The following RUNX2 variants were observed in gnomAD, a reference collection of about 807,000 sequenced individuals.
RUNX2 encodes RUNX family transcription factor 2.
In RUNX2, 10 loss-of-function variants were observed where a neutral mutation model predicts 51.7. The ratio of observed to expected loss-of-function variants is 0.19; its 90% CI spans 0.12 to 0.33. The LOEUF (loss-of-function observed/expected upper bound fraction) is 0.33. Ranked by LOEUF, RUNX2 falls within the 10% of genes least tolerant of loss-of-function variation. The pLI, the probability that RUNX2 is intolerant of heterozygous loss-of-function variation, is 1.00. For synonymous variants in RUNX2, 276 were observed against 273.6 expected (o/e 1.01, Z -0.09); for missense variants, 562 against 691.3 (o/e 0.81, Z 2.10).
chr6:45,507,867 A>G (rs771200320), intron 6 of RUNX2, among the ~76,000 whole-genome samples: 3 of 152,250 alleles, frequency 2.0e-5, no homozygotes, highest in Non-Finnish European at 4.4e-5. Context: ...ATGAAGGTTC[A>G]GTAAGATAGA....
At chr6:45,332,674 G>GA (rs1341132341) in intron 2 of RUNX2, among the ~76,000 whole-genome samples, 1 of 151,604 alleles carries the variant, frequency 6.6e-6, no homozygotes, top group African/African-American at 2.4e-5. Flanking sequence ...AGGATTCACC[G>GA]AAACAGTCTA....
intron 2 of RUNX2, chr6:45,377,628 G>A (rs1056803952): frequency 2.0e-5 from 3 of 152,230 alleles, no homozygotes; most frequent in Admixed American, 2.0e-4. Context: ...CGAAGACCCA[G>A]GCAGCCGCCC....
chr6:45,469,714 A>T (rs1162302705), intron 5 of RUNX2, among the ~76,000 whole-genome samples: 1 of 152,226 alleles, frequency 6.6e-6, no homozygotes, highest in African/African-American at 2.4e-5. Flanking sequence ...CAAAACCACT[A>T]TGGGTAATTC....
At chr6:45,374,657 CATAA>C (rs71658987) in intron 2 of RUNX2, among the ~76,000 whole-genome samples, 8,542 of 152,188 alleles carry the variant, frequency 0.056, 297 homozygotes, top group Non-Finnish European at 0.087. Flanking sequence ...TCAACCTCAC[CATAA>C]AATAAAATCA....
At chr6:45,519,790 A>ATATATATG (rs1554398519) in intron 7 of RUNX2, among the ~76,000 whole-genome samples, 1 of 124,086 alleles carries the variant, frequency 8.1e-6, no homozygotes, top group African/African-American at 3.1e-5. Flanking sequence ...ATATATATAT[A>ATATATATG]TGTGTGTGTG....
intron 5 of RUNX2, among the ~76,000 whole-genome samples, chr6:45,443,319 G>A (rs1368305543): frequency 6.6e-6 from 1 of 152,060 alleles, no homozygotes; most frequent in Non-Finnish European, 1.5e-5. Flanking sequence ...CTGAGCAGCT[G>A]GAATTATAGG....
At chr6:45,479,841 G>A (rs1293019419) in intron 5 of RUNX2, among the ~76,000 whole-genome samples, 1 of 152,192 alleles carries the variant, frequency 6.6e-6, no homozygotes, top group African/African-American at 2.4e-5. Flanking sequence ...AAAAAAATCT[G>A]TTGTGCCTTG....
chr6:45,371,444 T>G (rs76298881), intron 2 of RUNX2, among the ~76,000 whole-genome samples: 3,073 of 151,330 alleles, frequency 0.02, 43 homozygotes, highest in Non-Finnish European at 0.032. Flanking sequence ...ATTCTCCCTC[T>G]ACCAATGAGG....
intron 2 of RUNX2, among the ~76,000 whole-genome samples, chr6:45,380,915 C>A (rs1251845484): frequency 1.3e-5 from 2 of 152,132 alleles, no homozygotes; most frequent in East Asian, 3.9e-4. Flanking sequence ...AGTGACAGTT[C>A]AGGTGACTTG....
chr6:45,376,815 A>G (rs1028364445), intron 2 of RUNX2, among the ~76,000 whole-genome samples: 1 of 152,234 alleles, frequency 6.6e-6, no homozygotes, highest in African/African-American at 2.4e-5. Flanking sequence ...TGCCCTTCAC[A>G]TATACTAAGA....
Position 45,432,664 on chromosome 6 carries a change from T to C in RUNX2, c.580+645T>C, listed in dbSNP as rs559314262. ...AGGATTCCCATCATCTGAATCCATA[T>C]TCAAAAATTAGAGATCCTTAAATAG... On this transcript the variant is annotated intron_variant, in intron 4 of 8. Coordinates refer to ENST00000647337, the MANE Select transcript of RUNX2 (RefSeq NM_001024630.4). Among the ~76,000 whole-genome samples, 3 of 152,188 alleles carry C rather than the reference T, an allele frequency of 2.0e-5. No individual in the cohort carries two copies. In the South Asian group the frequency reaches 6.2e-4, roughly 32 times the overall value.
chr6:45,493,509 G>T (rs533634070), intron 6 of RUNX2, among the ~76,000 whole-genome samples: 1 of 151,996 alleles, frequency 6.6e-6, no homozygotes, highest in Non-Finnish European at 1.5e-5. Flanking sequence ...TGGGAGAGTG[G>T]GGGGGCGGTG....
At chr6:45,334,712 T>C (rs1205301449) in intron 2 of RUNX2, among the ~76,000 whole-genome samples, 3 of 151,176 alleles carry the variant, frequency 2.0e-5, no homozygotes, top group Non-Finnish European at 4.5e-5. Context: ...TGAGTGTGAA[T>C]GCATTCACAC....
At chr6:45,443,093 C>T (rs1582117253) in intron 5 of RUNX2, among the ~76,000 whole-genome samples, 1 of 122,482 alleles carries the variant, frequency 8.2e-6, no homozygotes, top group Non-Finnish European at 1.6e-5. Context: ...GTCATCCAGG[C>T]TGGAGTACAG....
chr6:45,335,780 A>T (rs138951656), intron 2 of RUNX2, among the ~76,000 whole-genome samples: 192 of 151,440 alleles, frequency 1.3e-3, no homozygotes, highest in Non-Finnish European at 1.5e-3. Flanking sequence ...CAGCATCTTA[A>T]CATTAGGCAG....
chr6:45,420,629 G>C (rs778686965), intron 2 of RUNX2, among the ~76,000 whole-genome samples: 4 of 152,190 alleles, frequency 2.6e-5, no homozygotes, highest in Admixed American at 2.0e-4. Context: ...GGCAACTGAT[G>C]ATTTTTTTCG....
At chr6:45,329,626 T>C (rs1787053301) in intron 2 of RUNX2, among the ~76,000 whole-genome samples, 1 of 151,914 alleles carries the variant, frequency 6.6e-6, no homozygotes. Flanking sequence ...TAACTGCTGT[T>C]TAGTCTCATG....
chr6:45,472,643 T>C (rs546158191), intron 5 of RUNX2, among the ~76,000 whole-genome samples: 7 of 152,338 alleles, frequency 4.6e-5, no homozygotes, highest in Admixed American at 2.0e-4. Context: ...TGCTGGCTTG[T>C]ATCTGGTTCC....
chr6:45,371,124 A>C (rs1225732597), intron 2 of RUNX2, among the ~76,000 whole-genome samples: 2 of 152,300 alleles, frequency 1.3e-5, no homozygotes, highest in African/African-American at 4.8e-5. Context: ...TATACTCCTA[A>C]CAGTAAGAGG....
Sources: gnomAD v4.1 joint callset for allele counts (sites outside exome capture counted in the v4.1 genomes callset) on GRCh38, gnomAD v4.1.1 for gene constraint, MANE v1.5 for transcripts, NCBI Gene and HGNC (gene_info 2026-07-23, HGNC 2026-07-21) for gene names.